PP2D1: variants seen among roughly 807,000 people sequenced by gnomAD.
PP2D1 encodes protein phosphatase 2C-like domain-containing protein 1.
A neutral mutation model predicts 30.2 loss-of-function variants in PP2D1; 25 were observed. That is an observed-to-expected ratio of 0.83 (90% CI 0.60 to 1.16). The LOEUF (loss-of-function observed/expected upper bound fraction) is 1.16. PP2D1 is among the 50% of genes most tolerant of loss of function. PP2D1 has a pLI of 0.00. For synonymous variants in PP2D1, 260 were observed against 258.9 expected, an observed-to-expected ratio of 1.00 and a Z score of -0.04; for missense variants, 760 against 742.4, an observed-to-expected ratio of 1.02 and a Z score of -0.28.
At chr3:19,992,189 A>G (rs1186344409) in intron 2 of PP2D1, among the ~76,000 whole-genome samples, 1 of 152,192 alleles carries the variant, frequency 6.6e-6, no homozygotes, top group Non-Finnish European at 1.5e-5. Flanking sequence ...CTTTTGTTTT[A>G]TAGATGTGTG....
downstream of PP2D1, chr3:19,983,643 A>G: frequency 9.5e-7 from 1 of 1,050,214 alleles, no homozygotes; most frequent in South Asian, 1.4e-5. Flanking sequence ...ATTATAGATA[A>G]GCAGGTGAAA....
chr3:20,012,026 C>G, intron 1 of PP2D1, 24 bp downstream of exon 1: 1 of 1,515,538 alleles, frequency 6.6e-7, no homozygotes, highest in South Asian at 1.2e-5. Flanking sequence ...ACGTATTATC[C>G]AAAAAAGATT....
chr3:19,987,531 T>C (rs1697055530), intron 2 of PP2D1, among the ~76,000 whole-genome samples: 1 of 152,184 alleles, frequency 6.6e-6, no homozygotes, highest in East Asian at 1.9e-4. Context: ...GTTTTAAATA[T>C]GATATTGTAC....
downstream of PP2D1, chr3:19,985,324 A>G (rs1347476786): frequency 5.1e-6 from 6 of 1,185,168 alleles, no homozygotes; most frequent in Non-Finnish European, 7.0e-6. Flanking sequence ...TAATAGCTGG[A>G]TCATTGAAGA....
At chr3:19,990,819 G>A (rs535117153) in intron 2 of PP2D1, among the ~76,000 whole-genome samples, 59 of 150,176 alleles carry the variant, frequency 3.9e-4, no homozygotes, top group African/African-American at 1.4e-3. Context: ...GCGCGATCTC[G>A]GCTCACTGCA....
intron 1 of PP2D1, 89 bp from the exon 2 acceptor site, chr3:20,002,185 C>T: frequency 1.3e-6 from 1 of 789,526 alleles, no homozygotes; most frequent in Non-Finnish European, 2.0e-6. Flanking sequence ...TTTGATTTGG[C>T]TCCTCACAAT....
chr3:19,982,604 C>T (rs902117020), downstream of PP2D1, among the ~76,000 whole-genome samples: 6 of 152,010 alleles, frequency 3.9e-5, no homozygotes, highest in Admixed American at 1.3e-4. Context: ...AGTCCCAGCA[C>T]GTGGGAGTCT....
At chr3:20,002,368 T>G (rs1697267264) in intron 1 of PP2D1, among the ~76,000 whole-genome samples, 1 of 152,220 alleles carries the variant, frequency 6.6e-6, no homozygotes. Context: ...TATTTTACCT[T>G]AGACATGCGA....
rs1170374874 is a variant in PP2D1, at chr3:19,985,974, G to A, written c.1299C>T (p.Ile433=). The A allele has an allele frequency of 1.3e-6, 2 of 1,536,184 alleles. No homozygotes were observed. The highest frequency in any genetic ancestry group is 1.7e-4 in the Middle Eastern group (1 of 5,990). ...HGNLKLKKSI[I]PAPQTISVPI... ...GGACAGAAATAGTTTGAGGTGCTGG[G>A]ATAATGGATTTTTTCAGCTTGAGAT... The change falls in exon 3 of 3, where the codon ATC becomes ATT. Residue 433 remains isoleucine (I), a synonymous_variant. Transcript: ENST00000389050.
At chr3:19,984,217 T>A (rs1376530529), downstream of PP2D1, 1 of 422,756 alleles carries the variant, frequency 2.4e-6, no homozygotes, top group Admixed American at 3.3e-5. Context: ...TCAAAAACAT[T>A]CTTTGTTTAG....
rs964169765 is a variant in PP2D1, at chr3:19,985,731, C to A, written c.1542G>T (p.Leu514Phe). ...LTKSQSNIHV[L>F]FQYKSVSEVR... ...CTTCAGATACAGATTTATACTGAAA[C>A]AATACGTGGATATTACTCTGTGATT... Residue 514 changes from leucine to phenylalanine, a missense_variant, in exon 3 of 3, where the codon TTG (leucine) becomes TTT (phenylalanine). Leu to Phe is a conservative substitution (Grantham distance 22, BLOSUM62 0). This residue lies in a region of PP2D1 where 369 missense variants were observed against 316.2 expected (regional missense o/e 1.17). Coordinates refer to ENST00000389050, the MANE Select transcript of PP2D1 (RefSeq NM_001252657.2). The A allele has an allele frequency of 2.0e-6, 3 of 1,535,848 alleles. No homozygotes were observed. The highest frequency in any genetic ancestry group is 2.6e-6 in the Non-Finnish European group (3 of 1,146,688).
chr3:19,981,317 T>C (rs1696922431), downstream of PP2D1, among the ~76,000 whole-genome samples: 1 of 152,068 alleles, frequency 6.6e-6, no homozygotes, highest in Admixed American at 6.6e-5. Context: ...ATTAAAAATA[T>C]CATAAATCAG....
chr3:20,005,383 C>T (rs1282647469), intron 1 of PP2D1, among the ~76,000 whole-genome samples: 1 of 151,970 alleles, frequency 6.6e-6, no homozygotes, highest in Non-Finnish European at 1.5e-5. Context: ...AACTCCCGAC[C>T]TCAGGTGACC....
At chr3:19,984,908 A>G (rs114733572), downstream of PP2D1, 1,761 of 153,944 alleles carry the variant, frequency 0.011, 34 homozygotes, top group African/African-American at 0.04. Context: ...TTTGTAACAT[A>G]AAGTATTGCA....
chr3:20,000,211 C>T (rs1030669764), intron 2 of PP2D1, among the ~76,000 whole-genome samples: 6 of 152,120 alleles, frequency 3.9e-5, no homozygotes, highest in African/African-American at 1.4e-4. Context: ...CATTTTTTAG[C>T]TTTAATTTCT....
chr3:20,000,584 G>A (rs1237936690), intron 2 of PP2D1, among the ~76,000 whole-genome samples: 2 of 152,186 alleles, frequency 1.3e-5, no homozygotes, highest in Non-Finnish European at 2.9e-5. Flanking sequence ...CTTGGCCAGT[G>A]AGCATGAGAA....
At chr3:19,991,404 T>C (rs750150005) in intron 2 of PP2D1, among the ~76,000 whole-genome samples, 1 of 152,118 alleles carries the variant, frequency 6.6e-6, no homozygotes, top group Non-Finnish European at 1.5e-5. Flanking sequence ...GAAAGGTGAC[T>C]TAGTGTTGAT....
At chr3:20,011,450 C>T (rs1040557329) in intron 1 of PP2D1, among the ~76,000 whole-genome samples, 1 of 152,066 alleles carries the variant, frequency 6.6e-6, no homozygotes, top group African/African-American at 2.4e-5. Flanking sequence ...CTCTATCACA[C>T]GTGGGCCATT....
chr3:19,992,512 G>A (rs918558420), intron 2 of PP2D1, among the ~76,000 whole-genome samples: 2 of 152,136 alleles, frequency 1.3e-5, no homozygotes, highest in African/African-American at 4.8e-5. Flanking sequence ...TATTAAACTA[G>A]TCCAAATGAA....
Sources: allele counts gnomAD v4.1 joint callset (sites outside exome capture counted in the v4.1 genomes callset), GRCh38; gene constraint gnomAD v4.1.1; regional missense constraint gnomAD v4.1.1; transcripts MANE v1.5; gene names NCBI Gene and HGNC (gene_info 2026-07-23, HGNC 2026-07-21).